ATP6V1C1: variants seen among roughly 807,000 people sequenced by gnomAD.
ATP6V1C1 encodes the protein ATPase H+ transporting V1 subunit C1.
In ATP6V1C1, 45 loss-of-function variants were observed where a neutral mutation model predicts 53.9. The observed-to-expected ratio is 0.83, with a 90% CI of 0.66 to 1.07. ATP6V1C1 has a LOEUF of 1.07. ATP6V1C1 is among the 50% of genes least tolerant of loss of function. The pLI is 0.00. For missense variants in ATP6V1C1, 315 were observed against 440.3 expected (o/e 0.72, Z 2.55); for synonymous variants, 153 against 155.2 (o/e 0.99, Z 0.11).
Position 103,071,003 on chromosome 8 carries a change from G to A in ATP6V1C1, c.*2256G>A, listed in dbSNP as rs915933592. The stretch of plus-strand genomic sequence containing the variant: ...GTTGATGCAGGTACTTAGCCCTTGG[G>A]GAACACAGGTAGTTCCTTTTCACTG... On this transcript the variant is annotated 3_prime_UTR_variant, in exon 13 of 13. Coordinates refer to ENST00000518738, the MANE Select transcript of ATP6V1C1 (RefSeq NM_001695.5). 1.3e-5 allele frequency: 2 copies of A among 152,276 alleles called. No individual in the cohort carries two copies. The highest frequency in any genetic ancestry group is 4.8e-5 in the African/African-American group (2 of 41,454). The allele number at this position is 152,276 out of a possible 1,614,324, so 9.4% of individuals were successfully genotyped here. A position where few individuals can be genotyped will look rare whatever the true frequency, so the allele number is the denominator to read the frequency against.
Position 103,037,665 on chromosome 8 carries a change from TA to T in ATP6V1C1, c.-39-3131del, listed in dbSNP as rs1554599647. ...AAATTTGCCATGCAATGTTATGTTT[TA>T]ACTTGTAAATTAAATACATTCTCAT... is the stretch of plus-strand genomic sequence containing the variant. On this transcript the variant is annotated intron_variant, in intron 1 of 12. Coordinates refer to ENST00000518738, the MANE Select transcript of ATP6V1C1 (RefSeq NM_001695.5). Among the ~76,000 whole-genome samples, 3 of 152,218 alleles carry T rather than the reference TA, an allele frequency of 2.0e-5. 1 individual carries two copies. Among genetic ancestry groups the T allele is most frequent in the Non-Finnish European group, 4.4e-5 (3 of 68,038 alleles).
intron 12 of ATP6V1C1, among the ~76,000 whole-genome samples, chr8:103,066,917 T>C (rs1356884391): frequency 6.6e-6 from 1 of 151,322 alleles, no homozygotes; most frequent in Non-Finnish European, 1.5e-5. Context: ...GGCGGGAGGA[T>C]CACTTGAGCC....
intron 2 of ATP6V1C1, among the ~76,000 whole-genome samples, chr8:103,041,731 G>C (rs1817004411): frequency 1.3e-5 from 2 of 152,016 alleles, no homozygotes; most frequent in South Asian, 4.2e-4. Flanking sequence ...AATTAGCCAG[G>C]CATGTTGGTG....
At position 103,072,584 on chromosome 8, in the gene ATP6V1C1, A is replaced by G. The variant is rs1456477258; in HGVS notation, c.*3837A>G. 6.6e-6 allele frequency: 1 copy of G among 152,242 alleles called. No homozygotes were observed. The highest frequency in any genetic ancestry group is 1.5e-5 in the Non-Finnish European group (1 of 68,042). 9.4% of individuals were successfully genotyped at this position (152,242 alleles called of 1,614,324 possible). A position where few individuals can be genotyped will look rare whatever the true frequency, so the allele number is the denominator to read the frequency against. The stretch of plus-strand genomic sequence containing the variant: ...TCTAAATTGATGTTCACCCATTTCA[A>G]TATTGCACTTATTAATGGTCTTTAT... On this transcript the variant is annotated 3_prime_UTR_variant, in exon 13 of 13. Coordinates refer to ENST00000518738, the MANE Select transcript of ATP6V1C1 (RefSeq NM_001695.5).
At chr8:103,029,372 C>T (rs955174090) in intron 1 of ATP6V1C1, among the ~76,000 whole-genome samples, 2 of 150,940 alleles carry the variant, frequency 1.3e-5, no homozygotes, top group Non-Finnish European at 3.0e-5. Context: ...TGGGTTCAAG[C>T]GATTCTCTTG....
intron 1 of ATP6V1C1, among the ~76,000 whole-genome samples, chr8:103,022,485 T>A (rs1816615296): frequency 6.6e-6 from 1 of 152,022 alleles, no homozygotes; most frequent in African/African-American, 2.4e-5. Flanking sequence ...GAAAATTGTC[T>A]TTATAGAGCT....
rs1248144758 is a variant in ATP6V1C1 at position 103,053,999 on chromosome 8, T to C, written c.572+17T>C. ...AGTTCCCAAGTAAGTCTTTCTATTA[T>C]AAAAGGTTTTACTTGTTAAAATACA... On this transcript the variant is annotated intron_variant, in intron 7 of 12. Coordinates refer to ENST00000518738, the MANE Select transcript of ATP6V1C1 (RefSeq NM_001695.5). 3.2e-6 allele frequency: 5 copies of C among 1,577,934 alleles called. No individual in the cohort carries two copies. The South Asian group carries it at 5.8e-5, about 18-fold the overall frequency.
At chr8:103,027,524 G>GT (rs1816720038) in intron 1 of ATP6V1C1, among the ~76,000 whole-genome samples, 1 of 151,930 alleles carries the variant, frequency 6.6e-6, no homozygotes, top group South Asian at 2.1e-4. Context: ...AATAGTTATT[G>GT]TTTTATTGTC....
Position 103,072,691 on chromosome 8 carries a change from A to G in ATP6V1C1, c.*3944A>G, listed in dbSNP as rs1006871265. 6.6e-6 allele frequency: 1 copy of G among 152,250 alleles called. No individual in the cohort carries two copies. Among genetic ancestry groups the G allele is most frequent in the South Asian group, 2.1e-4 (1 of 4,834 alleles). The allele number at this position is 152,250 out of a possible 1,614,324, so 9.4% of individuals were successfully genotyped here. A position where few individuals can be genotyped will look rare whatever the true frequency, so the allele number is the denominator to read the frequency against. ...CTTTCTAAAGAAAGGAATATGGCAC[A>G]TTGGAACCATTTTATTCACCAGTGG... On this transcript the variant is annotated 3_prime_UTR_variant, in exon 13 of 13. Transcript: ENST00000518738.
At chr8:103,022,019 C>T (rs1362331386) in intron 1 of ATP6V1C1, among the ~76,000 whole-genome samples, 2 of 152,152 alleles carry the variant, frequency 1.3e-5, no homozygotes, top group African/African-American at 4.8e-5. Context: ...AACAGTCTAT[C>T]CTTAGGAGTT....
At chr8:103,042,226 GA>G (rs1458819435) in intron 2 of ATP6V1C1, 113 bp from the exon 3 acceptor site, 1 of 1,012,352 alleles carries the variant, frequency 9.9e-7, no homozygotes, top group Non-Finnish European at 1.5e-6. Context: ...TACACATTAT[GA>G]AATAAAATAG....
intron 5 of ATP6V1C1, among the ~76,000 whole-genome samples, chr8:103,051,523 A>G (rs901022313): frequency 6.6e-5 from 10 of 152,252 alleles, no homozygotes; most frequent in African/African-American, 1.9e-4. Context: ...TGTGCATACA[A>G]TACTTGTTCA....
chr8:103,031,644 C>T (rs752890185), intron 1 of ATP6V1C1, among the ~76,000 whole-genome samples: 22 of 152,162 alleles, frequency 1.4e-4, no homozygotes, highest in Non-Finnish European at 3.1e-4. Flanking sequence ...GACCCAGACA[C>T]CTCCCACCAG....
chr8:103,059,231 C>G (rs905421598), intron 8 of ATP6V1C1, among the ~76,000 whole-genome samples: 26 of 152,168 alleles, frequency 1.7e-4, no homozygotes, highest in Non-Finnish European at 3.7e-4. Context: ...GGGAGATGGT[C>G]TGTTCTCCTG....
chr8:103,023,144 G>T (rs1165934418), intron 1 of ATP6V1C1, among the ~76,000 whole-genome samples: 1 of 152,172 alleles, frequency 6.6e-6, no homozygotes, highest in Non-Finnish European at 1.5e-5. Flanking sequence ...CAGCCTTTTT[G>T]AAAGGCTAGC....
intron 8 of ATP6V1C1, among the ~76,000 whole-genome samples, chr8:103,057,451 C>T (rs561795636): frequency 6.6e-6 from 1 of 152,232 alleles, no homozygotes; most frequent in Non-Finnish European, 1.5e-5. Flanking sequence ...TTGCAGACAG[C>T]CAATTTCCCA....
rs1471628433 is a variant in ATP6V1C1, at chr8:103,066,310, T to C, written c.927-11T>C. Reference sequence around the variant, plus strand: ...CTTGTATTGCGTACTGTATTTCTGCTTTTTTGTAAGGTATGGCTTGCCAGT... The same window carrying C: ...CTTGTATTGCGTACTGTATTTCTGCCTTTTTGTAAGGTATGGCTTGCCAGT... On this transcript the variant is annotated splice_polypyrimidine_tract_variant and intron_variant, in intron 11 of 12. Transcript: ENST00000518738. 6.3e-7 allele frequency: 1 copy of C among 1,597,254 alleles called. No homozygotes were observed.
Position 103,072,909 on chromosome 8 carries a change from A to G in ATP6V1C1, c.*4162A>G, listed in dbSNP as rs931512624. 1 of 152,264 alleles carries G rather than the reference A, an allele frequency of 6.6e-6. No homozygotes were observed. The highest frequency in any genetic ancestry group is 1.5e-5 in the Non-Finnish European group (1 of 68,054). 9.4% of individuals were successfully genotyped at this position (152,264 alleles called of 1,614,324 possible). A position where few individuals can be genotyped will look rare whatever the true frequency, so the allele number is the denominator to read the frequency against. ...GAATGGTCAAGATAATGCAAGAAGA[A>G]AAAAGCTTTCAAACAAATCAGAAGG... is the stretch of plus-strand genomic sequence containing the variant. On this transcript the variant is annotated 3_prime_UTR_variant, in exon 13 of 13. Coordinates refer to ENST00000518738, the MANE Select transcript of ATP6V1C1 (RefSeq NM_001695.5).
At chr8:103,048,758 G>T (rs2454048) in intron 3 of ATP6V1C1, 112 bp from the exon 4 acceptor site, 4 of 827,466 alleles carry the variant, frequency 4.8e-6, no homozygotes, top group Non-Finnish European at 5.8e-6. Context: ...ATATGGATAG[G>T]TATAATGGGA....
Sources: gnomAD v4.1 joint callset for allele counts (sites outside exome capture counted in the v4.1 genomes callset) on GRCh38, gnomAD v4.1.1 for gene constraint, MANE v1.5 for transcripts, NCBI Gene and HGNC (gene_info 2026-07-23, HGNC 2026-07-21) for gene names.